OPCML: variants seen among roughly 807,000 people sequenced by gnomAD.
OPCML encodes opioid-binding protein/cell adhesion molecule.
Under a neutral mutation model 37.8 loss-of-function variants are expected in OPCML, and 13 were observed. That is an observed-to-expected ratio of 0.34 (90% confidence interval 0.22 to 0.55). The LOEUF (loss-of-function observed/expected upper bound fraction) is 0.55, where lower values mean the gene tolerates loss of function less well. Ranked by LOEUF, OPCML falls within the 20% of genes least tolerant of loss-of-function variation. The pLI is 0.91. For missense variants in OPCML, 341 were observed against 435.6 expected, an observed-to-expected ratio of 0.78 and a Z score of 1.93; for synonymous variants, 176 against 168.8, an observed-to-expected ratio of 1.04 and a Z score of -0.33.
intron 1 of OPCML, among the ~76,000 whole-genome samples, chr11:133,063,643 C>T (rs1055760502): frequency 1.3e-4 from 19 of 151,648 alleles, no homozygotes; most frequent in Non-Finnish European, 1.9e-4. Context: ...CTCACTACAA[C>T]CTCCGCCTCC....
chr11:133,017,146 G>A (rs997333152), intron 1 of OPCML, among the ~76,000 whole-genome samples: 8 of 152,062 alleles, frequency 5.3e-5, no homozygotes, highest in East Asian at 1.9e-4. Context: ...GTGTCCTCAC[G>A]TGGCAGAAAG....
chr11:133,309,194 C>T (rs1943009425), intron 1 of OPCML, among the ~76,000 whole-genome samples: 1 of 152,160 alleles, frequency 6.6e-6, no homozygotes, highest in South Asian at 2.1e-4. Flanking sequence ...AATAAAGTAA[C>T]TGTGCAATGA....
At chr11:132,492,168 A>T (rs1203811841) in intron 4 of OPCML, among the ~76,000 whole-genome samples, 2 of 152,048 alleles carry the variant, frequency 1.3e-5, no homozygotes, top group African/African-American at 2.4e-5. Context: ...TGGCCAGGAC[A>T]CATGGGGTTT....
chr11:132,521,068 C>T (rs1282627669), intron 4 of OPCML, among the ~76,000 whole-genome samples: 2 of 152,154 alleles, frequency 1.3e-5, no homozygotes, highest in Admixed American at 1.3e-4. Flanking sequence ...TTAATAATTG[C>T]CATTCTGACT....
intron 2 of OPCML, among the ~76,000 whole-genome samples, chr11:132,697,191 T>C (rs946713779): frequency 5.9e-5 from 9 of 152,182 alleles, no homozygotes; most frequent in African/African-American, 1.7e-4. Flanking sequence ...CAACATGATG[T>C]TTTGATATAT....
intron 2 of OPCML, among the ~76,000 whole-genome samples, chr11:132,834,206 G>A (rs1182943284): frequency 6.6e-6 from 1 of 152,144 alleles, no homozygotes; most frequent in Non-Finnish European, 1.5e-5. Context: ...AGAGGAGATA[G>A]AGCCAAAATA....
chr11:133,353,316 C>T (rs1944184507), intron 1 of OPCML, among the ~76,000 whole-genome samples: 1 of 152,068 alleles, frequency 6.6e-6, no homozygotes, highest in South Asian at 2.1e-4. Flanking sequence ...ACATGCACCA[C>T]ACCTGGCTAA....
At chr11:132,509,653 G>C (rs534146136) in intron 4 of OPCML, among the ~76,000 whole-genome samples, 2 of 152,360 alleles carry the variant, frequency 1.3e-5, no homozygotes, top group African/African-American at 2.4e-5. Flanking sequence ...AAATCCCAAG[G>C]CTTGGCAGCT....
chr11:132,937,595 G>GGTGGGTGT (rs1555056056), intron 2 of OPCML, among the ~76,000 whole-genome samples: 40 of 88,734 alleles, frequency 4.5e-4, no homozygotes, highest in African/African-American at 1.5e-3. Flanking sequence ...GCGTGTGTGG[G>GGTGGGTGT]GTGTGTGTGT....
chr11:132,491,693 C>A (rs536002751), intron 4 of OPCML, among the ~76,000 whole-genome samples: 1 of 152,256 alleles, frequency 6.6e-6, no homozygotes, highest in African/African-American at 2.4e-5. Flanking sequence ...TCGCTTTGAG[C>A]GAGGCACTGT....
At chr11:133,201,047 C>T (rs1938761113) in intron 1 of OPCML, among the ~76,000 whole-genome samples, 1 of 152,134 alleles carries the variant, frequency 6.6e-6, no homozygotes, top group African/African-American at 2.4e-5. Context: ...CCGAGCACTG[C>T]ATATTCTCAC....
intron 2 of OPCML, among the ~76,000 whole-genome samples, chr11:132,876,684 GC>G (rs1339110375): frequency 6.6e-6 from 1 of 152,146 alleles, no homozygotes; most frequent in African/African-American, 2.4e-5. Context: ...ATTTGGCAAG[GC>G]CCCGGATGAG....
At chr11:133,214,279 C>T (rs886734922) in intron 1 of OPCML, among the ~76,000 whole-genome samples, 1 of 151,928 alleles carries the variant, frequency 6.6e-6, no homozygotes, top group Non-Finnish European at 1.5e-5. Context: ...ATCTATCTAA[C>T]GTCATTTATG....
At chr11:133,398,124 C>T (rs954281141) in intron 1 of OPCML, among the ~76,000 whole-genome samples, 1 of 152,198 alleles carries the variant, frequency 6.6e-6, no homozygotes, top group East Asian at 1.9e-4. Context: ...CACCTGCTGA[C>T]CTGGGGGATC....
intron 4 of OPCML, among the ~76,000 whole-genome samples, chr11:132,450,970 A>ATG (rs143993115): frequency 1.3e-5 from 2 of 151,562 alleles, no homozygotes; most frequent in Admixed American, 6.6e-5. Context: ...CATTGACTCA[A>ATG]TGTGTGTGTG....
At chr11:132,896,086 G>T (rs565633935) in intron 2 of OPCML, among the ~76,000 whole-genome samples, 1 of 152,286 alleles carries the variant, frequency 6.6e-6, no homozygotes, top group East Asian at 1.9e-4. Flanking sequence ...AGCTCAGGGA[G>T]TGAGTTTGTT....
chr11:133,235,968 G>A (rs1355678286), intron 1 of OPCML, among the ~76,000 whole-genome samples: 1 of 152,176 alleles, frequency 6.6e-6, no homozygotes, highest in Non-Finnish European at 1.5e-5. Context: ...AAGACTCCCA[G>A]CGGATGCTTA....
At chr11:133,358,434 A>T (rs1254335522) in intron 1 of OPCML, among the ~76,000 whole-genome samples, 1 of 152,186 alleles carries the variant, frequency 6.6e-6, no homozygotes, top group African/African-American at 2.4e-5. Context: ...GGGCTTCATC[A>T]TCATGCCTGT....
chr11:133,467,651 C>T (rs1274627744), intron 1 of OPCML, among the ~76,000 whole-genome samples: 2 of 152,064 alleles, frequency 1.3e-5, no homozygotes, highest in East Asian at 3.9e-4. Context: ...TCAAGTGGTA[C>T]CATTCTCACT....
Sources: allele counts gnomAD v4.1 joint callset (sites outside exome capture counted in the v4.1 genomes callset), GRCh38; gene constraint gnomAD v4.1.1; transcripts MANE v1.5; gene names NCBI Gene and HGNC (gene_info 2026-07-23, HGNC 2026-07-21).